Variants in AKAP6 observed in about 807,000 individuals in gnomAD.
AKAP6 encodes the protein A-kinase anchoring protein 6.
In AKAP6, 58 loss-of-function variants were observed where a neutral mutation model predicts 188.5. That is an observed-to-expected ratio of 0.31 (90% CI 0.25 to 0.38). The LOEUF (loss-of-function observed/expected upper bound fraction) is 0.38. Ranked by LOEUF, AKAP6 falls within the 10% of genes least tolerant of loss-of-function variation. The pLI, the probability that AKAP6 is intolerant of heterozygous loss-of-function variation, is 1.00. For missense variants in AKAP6, 2,710 were observed against 2,740.0 expected (o/e 0.99, Z 0.24); for synonymous variants, 989 against 998.6 (o/e 0.99, Z 0.18).
intron 7 of AKAP6, among the ~76,000 whole-genome samples, chr14:32,632,279 T>A (rs1345532164): frequency 9.9e-5 from 15 of 152,070 alleles, no homozygotes; most frequent in Admixed American, 9.8e-4. Context: ...TCTTGCTGTA[T>A]AGGGGGATCT....
In AKAP6 at chr14:32,773,601, G is replaced by A. The variant is rs1432285193; in HGVS notation, c.3373-77G>A. The A allele has an allele frequency of 3.0e-6, 4 of 1,322,380 alleles. No homozygotes were observed. In the South Asian group the frequency reaches 4.2e-5, roughly 14 times the overall value. 81.9% of individuals were successfully genotyped at this position (1,322,380 alleles called of 1,614,324 possible). On this transcript the variant is annotated intron_variant, in intron 11 of 13. Coordinates refer to ENST00000280979, the MANE Select transcript of AKAP6 (RefSeq NM_004274.5). ...GTGTATCACTACAATTTGAAATTATGATGGAAGAAGGTGTTTCATGTTTTA... is the reference window on the plus strand; with the variant it reads ...GTGTATCACTACAATTTGAAATTATAATGGAAGAAGGTGTTTCATGTTTTA...
intron 2 of AKAP6, among the ~76,000 whole-genome samples, chr14:32,532,099 A>G (rs1009013415): frequency 1.3e-5 from 2 of 152,224 alleles, no homozygotes; most frequent in African/African-American, 2.4e-5. Flanking sequence ...CTGAATTCCC[A>G]TAAGCAGCAT....
chr14:32,796,777 A>G (rs546026851), intron 12 of AKAP6, among the ~76,000 whole-genome samples: 19 of 152,332 alleles, frequency 1.2e-4, no homozygotes, highest in Non-Finnish European at 2.2e-4. Context: ...AGCAATTGCA[A>G]CTAAAGCAAA....
At chr14:32,383,087 ATGTGTG>A (rs3031402) in intron 1 of AKAP6, among the ~76,000 whole-genome samples, 8,260 of 143,136 alleles carry the variant, frequency 0.058, 330 homozygotes, top group East Asian at 0.21. Flanking sequence ...GGCAGATTTT[ATGTGTG>A]TGTGTGTGTG....
chr14:32,531,280 G>T (rs1594715362), intron 2 of AKAP6, among the ~76,000 whole-genome samples: 1 of 152,246 alleles, frequency 6.6e-6, no homozygotes, highest in South Asian at 2.1e-4. Flanking sequence ...ACTTTGAGAT[G>T]GGCTTCTGAT....
chr14:32,748,562 T>C (rs2032002711), intron 11 of AKAP6, among the ~76,000 whole-genome samples: 1 of 152,220 alleles, frequency 6.6e-6, no homozygotes, highest in Non-Finnish European at 1.5e-5. Flanking sequence ...TCCTTGGGGT[T>C]TCACCTACTT....
chr14:32,817,291 GTTC>G (rs932362082), intron 12 of AKAP6, among the ~76,000 whole-genome samples: 4 of 152,052 alleles, frequency 2.6e-5, no homozygotes, highest in Non-Finnish European at 5.9e-5. Flanking sequence ...TGGAATCTTG[GTTC>G]TTCTTTTTTT....
intron 2 of AKAP6, among the ~76,000 whole-genome samples, chr14:32,492,290 T>TCTTGACAC (rs1880057308): frequency 1.4e-5 from 2 of 147,556 alleles, no homozygotes; most frequent in Non-Finnish European, 3.0e-5. Context: ...TTTCCTGTTC[T>TCTTGACAC]CTTGACACAC....
chr14:32,427,834 G>A (rs1395912175), intron 1 of AKAP6, among the ~76,000 whole-genome samples: 2 of 152,202 alleles, frequency 1.3e-5, no homozygotes, highest in South Asian at 2.1e-4. Context: ...GGAAACTTAT[G>A]TGATGCTTAA....
chr14:32,530,246 C>T (rs1379195227), intron 2 of AKAP6, among the ~76,000 whole-genome samples: 4 of 152,018 alleles, frequency 2.6e-5, no homozygotes, highest in Admixed American at 2.6e-4. Flanking sequence ...AGGCTGGTCT[C>T]GAACTCCTGA....
At chr14:32,613,390 G>A (rs1024110612) in intron 7 of AKAP6, among the ~76,000 whole-genome samples, 4 of 152,158 alleles carry the variant, frequency 2.6e-5, no homozygotes, top group African/African-American at 9.7e-5. Context: ...AAAATGATTA[G>A]TTAAGCTTCA....
intron 2 of AKAP6, among the ~76,000 whole-genome samples, chr14:32,453,644 G>A (rs8005916): frequency 8.2e-6 from 1 of 121,402 alleles, no homozygotes; most frequent in Non-Finnish European, 1.7e-5. Context: ...TCGCCCAGGC[G>A]GGAGTGCAGT....
intron 11 of AKAP6, among the ~76,000 whole-genome samples, chr14:32,764,733 G>A (rs886944273): frequency 7.9e-5 from 12 of 151,652 alleles, no homozygotes; most frequent in Non-Finnish European, 1.6e-4. Flanking sequence ...CACACATATT[G>A]TAGTGTTGCT....
Position 32,378,153 on chromosome 14 carries a change from T to C in AKAP6, c.-35+48745T>C, listed in dbSNP as rs141656917. On this transcript the variant is annotated intron_variant, in intron 1 of 13. Transcript: ENST00000280979. ...GTAATTAAAATGGCAATATTTTGCA[T>C]GGTATGACAAAACCTAATTGTCATG... is the stretch of plus-strand genomic sequence containing the variant. Among the ~76,000 whole-genome samples the C allele has an allele frequency of 2.4e-3, 363 of 151,330 alleles. 1 individual carries two copies. The highest frequency in any genetic ancestry group is 0.011 in the South Asian group (54 of 4,726).
Position 32,343,213 on chromosome 14 carries a change from GTACCTTCCTTGTCAAGTA to G in AKAP6, c.-35+13822_-35+13839del, listed in dbSNP as rs372279009. Among the ~76,000 whole-genome samples the G allele has an allele frequency of 3.3e-3, 404 of 121,766 alleles. 1 individual carries two copies. Among genetic ancestry groups the G allele is most frequent in the African/African-American group, 0.013 (347 of 27,694 alleles). The allele number at this position is 121,766 out of a possible 152,430, so 79.9% of individuals were successfully genotyped here. ...CTTTCTGGGTCCTATTTTCTTCACG[GTACCTTCCTTGTCAAGTA>G]TACCTTCCTTGTCAAGACTTAGAAA... On this transcript the variant is annotated intron_variant, in intron 1 of 13. Transcript: ENST00000280979.
chr14:32,540,404 G>T (rs1882896501), intron 3 of AKAP6, among the ~76,000 whole-genome samples: 1 of 151,560 alleles, frequency 6.6e-6, no homozygotes, highest in Non-Finnish European at 1.5e-5. Context: ...TTGCCATGTT[G>T]CCCAGGTTAG....
intron 1 of AKAP6, among the ~76,000 whole-genome samples, chr14:32,337,059 T>C (rs1350454879): frequency 6.6e-6 from 1 of 152,222 alleles, no homozygotes; most frequent in East Asian, 1.9e-4. Context: ...TTGTGTGAAT[T>C]GAAAGGGAAT....
chr14:32,510,427 T>TATATATGTGTATATATATATAC lies in AKAP6; in HGVS notation c.325-25121_325-25120insGTGTATATATATATACATATAT, dbSNP rs1566546628. ...ATGTATATATATGTATATATATACA[T>TATATATGTGTATATATATATAC]ATATATATGTGTATATATATATACA... is the stretch of plus-strand genomic sequence containing the variant. On this transcript the variant is annotated intron_variant, in intron 2 of 13. Coordinates refer to ENST00000280979, the MANE Select transcript of AKAP6 (RefSeq NM_004274.5). Among the ~76,000 whole-genome samples the TATATATGTGTATATATATATAC allele has an allele frequency of 6.2e-4, 50 of 80,746 alleles. 1 individual carries two copies. The East Asian group carries it at 0.011, about 18-fold the overall frequency. The allele number at this position is 80,746 out of a possible 152,430, so 53.0% of individuals were successfully genotyped here.
chr14:32,446,578 A>T (rs946885320), intron 2 of AKAP6, among the ~76,000 whole-genome samples: 1 of 149,646 alleles, frequency 6.7e-6, no homozygotes, highest in Non-Finnish European at 1.5e-5. Flanking sequence ...GAAAATGATA[A>T]GTTTTCTTAG....
Sources: gnomAD v4.1 joint callset for allele counts (sites outside exome capture counted in the v4.1 genomes callset) on GRCh38, gnomAD v4.1.1 for gene constraint, MANE v1.5 for transcripts, NCBI Gene and HGNC (gene_info 2026-07-23, HGNC 2026-07-21) for gene names.